TAX1BP1: variants seen among roughly 807,000 people sequenced by gnomAD.
The protein encoded by TAX1BP1 is Tax1 binding protein 1, also known as tax1-binding protein 1.
Under a neutral mutation model 97.7 loss-of-function variants are expected in TAX1BP1, and 62 were observed. That is an observed-to-expected ratio of 0.63 (90% confidence interval 0.52 to 0.78). The LOEUF is 0.78. Among genes scored for constraint, TAX1BP1 ranks in the 30% least tolerant of loss-of-function variants. TAX1BP1 has a pLI of 0.00. For missense variants in TAX1BP1, 867 were observed against 916.1 expected, an observed-to-expected ratio of 0.95 and a Z score of 0.69; for synonymous variants, 340 against 304.2, an observed-to-expected ratio of 1.12 and a Z score of -1.23.
rs1583711920 is a variant in TAX1BP1, at chr7:27,792,052, A to G, written c.1085A>G (p.Gln362Arg). Residue 362 changes from glutamine (Q) to arginine (R), a missense_variant, in exon 9 of 17, where the codon CAG becomes CGG. Physicochemically the swap from Gln to Arg is conservative, Grantham distance 43. Transcript: ENST00000396319. ...GAGCAACTTCGTAAAGCAGAGGAACAGGTTCAGGCAACTCGGCAAGAAGTT... is the reference window on the plus strand; with the variant it reads ...GAGCAACTTCGTAAAGCAGAGGAACGGGTTCAGGCAACTCGGCAAGAAGTT... ...LKEQLRKAEE[Q>R]VQATRQEVVF... is the part of the protein sequence containing the mutation. 3 of 1,614,152 alleles carry G rather than the reference A, an allele frequency of 1.9e-6. No individual in the cohort carries two copies. The highest frequency in any genetic ancestry group is 2.5e-6 in the Non-Finnish European group (3 of 1,180,018).
At chr7:27,819,634 A>G (rs1179522304) in intron 15 of TAX1BP1, among the ~76,000 whole-genome samples, 2 of 152,226 alleles carry the variant, frequency 1.3e-5, no homozygotes, top group Admixed American at 6.5e-5. Flanking sequence ...TAAACCCATC[A>G]TAAGTTAAAT....
intron 5 of TAX1BP1, among the ~76,000 whole-genome samples, chr7:27,774,482 CTT>C (rs962146369): frequency 3.3e-4 from 50 of 152,060 alleles, no homozygotes; most frequent in African/African-American, 1.2e-3. Context: ...TAGTATGTCT[CTT>C]TATTCATCAA....
At chr7:27,783,541 A>G (rs995299519) in intron 5 of TAX1BP1, among the ~76,000 whole-genome samples, 8 of 152,340 alleles carry the variant, frequency 5.3e-5, no homozygotes, top group African/African-American at 1.9e-4. Context: ...GAGTTAATTT[A>G]TAATTCACTG....
chr7:27,756,161 A>C (rs1371590666), intron 2 of TAX1BP1, among the ~76,000 whole-genome samples: 2 of 152,046 alleles, frequency 1.3e-5, no homozygotes, highest in Non-Finnish European at 2.9e-5. Flanking sequence ...TAATTTCCTG[A>C]TGTTCATCTT....
At chr7:27,776,520 T>A (rs562216573) in intron 5 of TAX1BP1, among the ~76,000 whole-genome samples, 1 of 152,250 alleles carries the variant, frequency 6.6e-6, no homozygotes, top group South Asian at 2.1e-4. Context: ...ATTGGTATTT[T>A]TCTTCCTTTA....
rs71555715 is a variant in TAX1BP1 at position 27,814,095 on chromosome 7, CTT to C, written c.1765-2241_1765-2240del. Among the ~76,000 whole-genome samples, 20 of 140,550 alleles carry C rather than the reference CTT, an allele frequency of 1.4e-4. 1 individual carries two copies. Among genetic ancestry groups the C allele is most frequent in the South Asian group, 1.1e-3 (5 of 4,408 alleles). 92.2% of individuals were successfully genotyped at this position (140,550 alleles called of 152,430 possible). On this transcript the variant is annotated intron_variant, in intron 13 of 16. Transcript: ENST00000396319. ...ACAGGTGTGAGCCACCGCACTTGGC[CTT>C]TTTTTTTTTTTTCTTTTTTTTGAAT... is the stretch of plus-strand genomic sequence containing the variant.
intron 2 of TAX1BP1, among the ~76,000 whole-genome samples, chr7:27,752,383 CAGA>C (rs959080066): frequency 3.3e-5 from 5 of 152,154 alleles, no homozygotes; most frequent in Non-Finnish European, 7.3e-5. Flanking sequence ...GTGGCTTAAC[CAGA>C]AGATTACTAA....
chr7:27,817,913 G>A (rs1441958692), intron 15 of TAX1BP1, among the ~76,000 whole-genome samples: 1 of 152,070 alleles, frequency 6.6e-6, no homozygotes, highest in Non-Finnish European at 1.5e-5. Flanking sequence ...TGTTCAGACA[G>A]GCATGATTTT....
intron 13 of TAX1BP1, among the ~76,000 whole-genome samples, chr7:27,804,863 CT>C (rs1189633458): frequency 3.9e-5 from 6 of 152,142 alleles, no homozygotes; most frequent in Admixed American, 3.9e-4. Context: ...AATCCTCCAT[CT>C]TTTTTTAAAC....
intron 13 of TAX1BP1, among the ~76,000 whole-genome samples, chr7:27,810,642 A>G (rs1374656940): frequency 1.3e-5 from 2 of 152,116 alleles, no homozygotes; most frequent in South Asian, 2.1e-4. Context: ...CTGACCTTCA[A>G]CTTGTCTTTT....
intron 3 of TAX1BP1, 60 bp from the exon 4 acceptor site, chr7:27,765,774 G>C: frequency 7.0e-7 from 1 of 1,433,848 alleles, no homozygotes; most frequent in Non-Finnish European, 9.7e-7. Flanking sequence ...TTGTTAAATT[G>C]AAATAACATG....
At chr7:27,815,237 A>C (rs1790721094) in intron 13 of TAX1BP1, among the ~76,000 whole-genome samples, 1 of 152,120 alleles carries the variant, frequency 6.6e-6, no homozygotes, top group Non-Finnish European at 1.5e-5. Context: ...AGAATCATTT[A>C]GTTTTTCACC....
At chr7:27,759,228 A>G (rs542303826) in intron 3 of TAX1BP1, among the ~76,000 whole-genome samples, 10 of 152,284 alleles carry the variant, frequency 6.6e-5, no homozygotes, top group African/African-American at 2.2e-4. Context: ...TAATTAAAAT[A>G]TCACAGTAAC....
chr7:27,787,355 A>T, intron 7 of TAX1BP1, 63 bp from the exon 8 acceptor site: 1 of 1,378,992 alleles, frequency 7.3e-7, no homozygotes, highest in Non-Finnish European at 9.8e-7. Flanking sequence ...ATGGTATTTT[A>T]AACTTTGACT....
chr7:27,766,174 A>G (rs1788625846), intron 4 of TAX1BP1, among the ~76,000 whole-genome samples, 153 bp downstream of exon 4: 4 of 152,256 alleles, frequency 2.6e-5, no homozygotes, highest in Non-Finnish European at 1.5e-5. Flanking sequence ...TAATCCCGGC[A>G]CTCTGGGAGG....
At chr7:27,777,822 C>G (rs902655111) in intron 5 of TAX1BP1, among the ~76,000 whole-genome samples, 12 of 152,188 alleles carry the variant, frequency 7.9e-5, no homozygotes, top group African/African-American at 2.9e-4. Context: ...GAGGTGACCT[C>G]TGTTGTTTCT....
intron 13 of TAX1BP1, chr7:27,803,211 A>G (rs1790205305): frequency 6.7e-7 from 1 of 1,483,410 alleles, no homozygotes; most frequent in Non-Finnish European, 9.0e-7. Context: ...ACAAATGTGT[A>G]TCACATGAAA....
Position 27,793,376 on chromosome 7 carries a change from G to T in TAX1BP1, c.1410+164G>T, listed in dbSNP as rs140802245. 3.8e-3 allele frequency among the ~76,000 whole-genome samples: 583 copies of T among 152,160 alleles called. 1 individual carries two copies. Among genetic ancestry groups the T allele is most frequent in the Middle Eastern group, 0.02 (6 of 294 alleles). On this transcript the variant is annotated intron_variant, in intron 10 of 16. Transcript: ENST00000396319. ...TAATAACTCTTCTTTAAAAAAGTCT[G>T]GAATTTTAATTTACTGGACAGCCAA...
intron 13 of TAX1BP1, among the ~76,000 whole-genome samples, chr7:27,811,632 G>A (rs78720873): frequency 6.6e-6 from 1 of 151,748 alleles, no homozygotes; most frequent in East Asian, 1.9e-4. Flanking sequence ...ACATGTAATA[G>A]AATCTGTTCA....
Sources: gnomAD v4.1 joint callset for allele counts (sites outside exome capture counted in the v4.1 genomes callset) on GRCh38, gnomAD v4.1.1 for gene constraint, MANE v1.5 for transcripts, NCBI Gene and HGNC (gene_info 2026-07-23, HGNC 2026-07-21) for gene names.